Variants in OR10D3 observed in about 807,000 individuals in gnomAD.
OR10D3 encodes the protein olfactory receptor family 10 subfamily D member 3.
For synonymous variants in OR10D3, 100 were observed against 57.6 expected (o/e 1.74, Z -3.33); for missense variants, 286 against 153.7 (o/e 1.86, Z -4.55).
exon 2 of OR10D3, chr11:124,185,451 T>A (rs1238189017): frequency 1.4e-6 from 1 of 703,138 alleles, no homozygotes; most frequent in Non-Finnish European, 2.6e-6. Context: ...CCTATGTATT[T>A]CTTCCTGGGA....
intron 1 of OR10D3, among the ~76,000 whole-genome samples, chr11:124,184,826 C>T (rs1397831846): frequency 1.3e-5 from 2 of 152,148 alleles, no homozygotes; most frequent in African/African-American, 2.4e-5. Flanking sequence ...TAAAATCTAA[C>T]GTTGTTGCTA....
chr11:124,184,537 G>C (rs757661719), intron 1 of OR10D3, among the ~76,000 whole-genome samples: 11 of 152,112 alleles, frequency 7.2e-5, no homozygotes, highest in Non-Finnish European at 1.5e-4. Context: ...GACAAGGCCA[G>C]TAATGCCGTG....
Position 124,185,624 on chromosome 11 carries a change from G to T in OR10D3, c.355G>T (p.Ala119Ser). ...TGAGTGCTTCTTGTTTACGGTGATG[G>T]CCTATGACCGCTTCACTGCCATCTG... The change falls in exon 2 of 2, where the codon GCC becomes TCC. Residue 119 changes from alanine to serine, a missense_variant. Transcript: ENST00000641351. 5.7e-6 allele frequency: 4 copies of T among 703,506 alleles called. No homozygotes were observed. The East Asian group carries it at 1.1e-4, about 19-fold the overall frequency. 43.6% of individuals were successfully genotyped at this position (703,506 alleles called of 1,614,324 possible). A position where few individuals can be genotyped will look rare whatever the true frequency, so the allele number is the denominator to read the frequency against.
chr11:124,187,458 A>G (rs1434103321), exon 2 of OR10D3: 1 of 152,226 alleles, frequency 6.6e-6, no homozygotes, highest in African/African-American at 2.4e-5. Context: ...GAAGACAGAG[A>G]CACTCAGCAT....
At chr11:124,187,249 G>A (rs952945852) in exon 2 of OR10D3, 1 of 151,932 alleles carries the variant, frequency 6.6e-6, no homozygotes, top group Non-Finnish European at 1.5e-5. Context: ...TGCTAGACTT[G>A]GTAAAGCTTC....
chr11:124,186,055 C>A (rs769777706), exon 2 of OR10D3: 10 of 703,320 alleles, frequency 1.4e-5, no homozygotes, highest in South Asian at 8.9e-5. Context: ...ACCTGCAGCC[C>A]ACACCCAACC....
At chr11:124,185,600 G>A in exon 2 of OR10D3, 1 of 703,530 alleles carries the variant, frequency 1.4e-6, no homozygotes, top group Non-Finnish European at 2.6e-6. Flanking sequence ...CGGGAGCATT[G>A]AGTGCTTCTT....
chr11:124,185,696 GC>G lies in OR10D3; in HGVS notation c.430del (p.Leu144TrpfsTer8). 1 of 703,636 alleles carries G rather than the reference GC, an allele frequency of 1.4e-6. No individual in the cohort carries two copies. The highest frequency in any genetic ancestry group is 2.6e-6 in the Non-Finnish European group (1 of 385,086). 43.6% of individuals were successfully genotyped at this position (703,636 alleles called of 1,614,324 possible). On this transcript the variant is annotated frameshift_variant, in exon 2 of 2. Transcript: ENST00000641351. LOFTEE classifies it low-confidence loss of function (END_TRUNC). Reference sequence around the variant, plus strand: ...CATCATGAACCCAAGGATCTGTGTGGCCCTGGCTGTGGGCACATGGCTGTTA... The same window carrying G: ...CATCATGAACCCAAGGATCTGTGTGGCCTGGCTGTGGGCACATGGCTGTTA...
intron 1 of OR10D3, among the ~76,000 whole-genome samples, chr11:124,183,826 G>T (rs1051787793): frequency 2.6e-5 from 4 of 152,078 alleles, no homozygotes; most frequent in African/African-American, 9.7e-5. Flanking sequence ...GGATCTACTG[G>T]CCAGAAGAAT....
At chr11:124,186,328 A>G in exon 2 of OR10D3, 1 of 603,734 alleles carries the variant, frequency 1.7e-6, no homozygotes. Context: ...GCTGAATGAT[A>G]TGGACCATTA....
chr11:124,187,729 G>A (rs985001983), exon 2 of OR10D3: 1 of 152,138 alleles, frequency 6.6e-6, no homozygotes, highest in African/African-American at 2.4e-5. Flanking sequence ...AATTGTCTTA[G>A]TAGCCTCTTC....
chr11:124,185,596 C>G, exon 2 of OR10D3: 1 of 703,590 alleles, frequency 1.4e-6, no homozygotes, highest in South Asian at 1.5e-5. Context: ...TCCTCGGGAG[C>G]ATTGAGTGCT....
intron 1 of OR10D3, among the ~76,000 whole-genome samples, chr11:124,185,037 C>T (rs1195399854): frequency 3.9e-5 from 6 of 152,118 alleles, no homozygotes; most frequent in South Asian, 2.1e-4. Context: ...ATTTGTATTT[C>T]GAATAAGTAT....
chr11:124,183,442 C>CTT (rs367875046), intron 1 of OR10D3, 59 bp downstream of exon 1: 1 of 103,908 alleles, frequency 9.6e-6, no homozygotes, highest in Non-Finnish European at 2.1e-5. Context: ...CTCTCTCTTT[C>CTT]TCTCTCTCTT....
At chr11:124,183,703 G>A (rs1861189516) in intron 1 of OR10D3, among the ~76,000 whole-genome samples, 1 of 151,762 alleles carries the variant, frequency 6.6e-6, no homozygotes, top group East Asian at 1.9e-4. Flanking sequence ...AATTATAGGG[G>A]CCCTCACCTC....
exon 2 of OR10D3, chr11:124,185,417 A>G (rs758878716): frequency 2.8e-6 from 2 of 703,004 alleles, no homozygotes; most frequent in Non-Finnish European, 5.2e-6. Flanking sequence ...TGTTGCTGTT[A>G]TGTCTTCTGC....
At chr11:124,186,112 A>G (rs912064153) in exon 2 of OR10D3, 9 of 703,058 alleles carry the variant, frequency 1.3e-5, no homozygotes, top group Non-Finnish European at 1.8e-5. Flanking sequence ...TGGTAGGACC[A>G]ATGCTGAACC....
exon 2 of OR10D3, chr11:124,186,652 G>T (rs1412815311): frequency 1.3e-5 from 2 of 152,794 alleles, no homozygotes; most frequent in African/African-American, 4.8e-5. Context: ...ACAGACTAAG[G>T]ACTAGAGTCA....
chr11:124,187,267 A>G (rs902064059), exon 2 of OR10D3: 1 of 152,198 alleles, frequency 6.6e-6, no homozygotes, highest in Non-Finnish European at 1.5e-5. Flanking sequence ...TTCAAGGATC[A>G]TTTCATTACC....
Sources: allele counts gnomAD v4.1 joint callset (sites outside exome capture counted in the v4.1 genomes callset), GRCh38; gene constraint gnomAD v4.1.1; transcripts MANE v1.5; gene names NCBI Gene and HGNC (gene_info 2026-07-23, HGNC 2026-07-21).